Variants in LRP12 observed in about 807,000 individuals in gnomAD.
LRP12 encodes the protein LDL receptor related protein 12, also known as low-density lipoprotein receptor-related protein 12.
In LRP12, 14 loss-of-function variants were observed where a neutral mutation model predicts 66.0. The ratio of observed to expected loss-of-function variants is 0.21; its 90% CI spans 0.14 to 0.33. The LOEUF (loss-of-function observed/expected upper bound fraction) is 0.33, where lower values mean the gene tolerates loss of function less well. LRP12 is among the 10% of genes least tolerant of loss of function. The pLI is 1.00. For synonymous variants in LRP12, 357 were observed against 359.1 expected, an observed-to-expected ratio of 0.99 and a Z score of 0.07; for missense variants, 889 against 1,053.4, an observed-to-expected ratio of 0.84 and a Z score of 2.16.
intron 1 of LRP12, among the ~76,000 whole-genome samples, chr8:104,588,079 C>T (rs1455887588): frequency 2.0e-5 from 3 of 152,318 alleles, no homozygotes; most frequent in Non-Finnish European, 4.4e-5. Context: ...ATCTCTAACC[C>T]GATCCATCGA....
intron 2 of LRP12, among the ~76,000 whole-genome samples, chr8:104,514,688 A>G (rs2140848005): frequency 6.6e-6 from 1 of 152,278 alleles, no homozygotes; most frequent in African/African-American, 2.4e-5. Context: ...AAAAAATGAC[A>G]GAAAAAACAA....
intron 1 of LRP12, among the ~76,000 whole-genome samples, chr8:104,548,610 T>TTC (rs1488653658): frequency 0.016 from 1,723 of 109,524 alleles, 29 homozygotes; most frequent in Middle Eastern, 0.026. Flanking sequence ...AATTATATAA[T>TTC]TAAATTAATT....
rs73295191 is a variant in LRP12 at position 104,572,169 on chromosome 8, G to A, written c.79+16650C>T. The stretch of plus-strand genomic sequence containing the variant: ...AGTCAGTCTCAAATGGTTATGTGTT[G>A]GACAATTCCATTTATATGACATTCT... On this transcript the variant is annotated intron_variant, in intron 1 of 6. Coordinates refer to ENST00000276654, the MANE Select transcript of LRP12 (RefSeq NM_013437.5). Among the ~76,000 whole-genome samples, 1,178 of 152,258 alleles carry A rather than the reference G, an allele frequency of 7.7e-3. 15 individuals carry two copies. Among genetic ancestry groups the A allele is most frequent in the African/African-American group, 0.027 (1,128 of 41,532 alleles).
At position 104,497,363 on chromosome 8, in the gene LRP12, C is replaced by A. The variant is rs1564129100; in HGVS notation, c.1189G>T (p.Gly397Trp). 1 of 1,613,914 alleles carries A rather than the reference C, an allele frequency of 6.2e-7. No individual in the cohort carries two copies. Among genetic ancestry groups the A allele is most frequent in the Admixed American group, 1.7e-5 (1 of 60,010 alleles). Residue 397 changes from glycine to tryptophan, a missense_variant, in exon 5 of 7, where the codon GGG becomes TGG. By Grantham distance (184) the Gly-to-Trp change is radical (BLOSUM62 -2). Transcript: ENST00000276654. The surrounding 1 kb of genome is among the most constrained non-coding windows in gnomAD (Gnocchi z 4.3). ...GCYTEQQRCD[G>W]YWHCPNGRDE... ...CTTCCATTTGGGCAATGCCAATACC[C>A]ATCACAACGCTGCTGCTCAGTATAA...
At chr8:104,509,808 A>T (rs1183522174) in intron 2 of LRP12, among the ~76,000 whole-genome samples, 1 of 152,222 alleles carries the variant, frequency 6.6e-6, no homozygotes, top group Non-Finnish European at 1.5e-5. Flanking sequence ...TTTTGCTGTG[A>T]TACCTCAAAC....
intron 1 of LRP12, among the ~76,000 whole-genome samples, chr8:104,556,186 AC>A (rs1811804813): frequency 6.6e-6 from 1 of 152,194 alleles, no homozygotes; most frequent in Non-Finnish European, 1.5e-5. Context: ...CATAACATTA[AC>A]TGCCTACATC....
chr8:104,562,415 T>C (rs530639101), intron 1 of LRP12, among the ~76,000 whole-genome samples: 1 of 152,218 alleles, frequency 6.6e-6, no homozygotes, highest in East Asian at 1.9e-4. Context: ...AACAATTTAA[T>C]GTTCAAAATT....
At chr8:104,518,605 C>CA (rs1391216643) in intron 2 of LRP12, among the ~76,000 whole-genome samples, 2 of 151,994 alleles carry the variant, frequency 1.3e-5, no homozygotes, top group Admixed American at 6.6e-5. Context: ...TATAATAACA[C>CA]AGAGAAAATA....
chr8:104,577,852 A>G (rs1394508948), intron 1 of LRP12, among the ~76,000 whole-genome samples: 1 of 151,830 alleles, frequency 6.6e-6, no homozygotes, highest in Non-Finnish European at 1.5e-5. Flanking sequence ...TTGGAAACCA[A>G]TGGAACAAAG....
At chr8:104,555,774 GAAAC>G (rs1564144211) in intron 1 of LRP12, among the ~76,000 whole-genome samples, 1 of 151,962 alleles carries the variant, frequency 6.6e-6, no homozygotes, top group Non-Finnish European at 1.5e-5. Flanking sequence ...AGTCAACAAA[GAAAC>G]AATGGACTTC....
At position 104,490,785 on chromosome 8, in the gene LRP12, T is replaced by C; in HGVS notation, c.2468A>G (p.Asp823Gly). The change falls in exon 7 of 7, where the codon GAT (aspartate) becomes GGT (glycine). Residue 823 changes from aspartate (D) to glycine (G), a missense_variant. Transcript: ENST00000276654. The part of the protein sequence containing the change: ...TNPGVRPSNR[D>G]GPCERCGIVH... Reference sequence around the variant, plus strand: ...AATACCACAGCGCTCACAGGGGCCATCTCGATTACTTGGCCTTACTCCAGG... The same window carrying C: ...AATACCACAGCGCTCACAGGGGCCACCTCGATTACTTGGCCTTACTCCAGG... 6.2e-7 allele frequency: 1 copy of C among 1,614,130 alleles called. No individual in the cohort carries two copies. Among genetic ancestry groups the C allele is most frequent in the Non-Finnish European group, 8.5e-7 (1 of 1,180,012 alleles).
At chr8:104,522,399 C>A (rs1811165404) in intron 2 of LRP12, among the ~76,000 whole-genome samples, 1 of 152,002 alleles carries the variant, frequency 6.6e-6, no homozygotes, top group East Asian at 1.9e-4. Context: ...ACAGCATAAA[C>A]AATACTTCAA....
intron 1 of LRP12, among the ~76,000 whole-genome samples, chr8:104,580,201 G>C (rs969662121): frequency 4.6e-5 from 7 of 151,924 alleles, no homozygotes; most frequent in African/African-American, 1.7e-4. Flanking sequence ...TTCATAATTT[G>C]CAAAATATCC....
chr8:104,547,721 G>A (rs1291610592), intron 1 of LRP12, among the ~76,000 whole-genome samples: 1 of 120,980 alleles, frequency 8.3e-6, no homozygotes, highest in Non-Finnish European at 1.6e-5. Flanking sequence ...TCTATATTAT[G>A]TTATATTTTG....
chr8:104,509,276 T>C (rs2099828746), intron 2 of LRP12, among the ~76,000 whole-genome samples: 1 of 152,230 alleles, frequency 6.6e-6, no homozygotes, highest in Non-Finnish European at 1.5e-5. Context: ...CTTATTCCAA[T>C]AAAATACAGT....
chr8:104,548,197 T>G (rs866527860), intron 1 of LRP12, among the ~76,000 whole-genome samples: 1 of 85,164 alleles, frequency 1.2e-5, no homozygotes, highest in Admixed American at 1.8e-4. Context: ...TATATATAAA[T>G]ATATGATATA....
At chr8:104,576,405 C>T (rs1466199688) in intron 1 of LRP12, among the ~76,000 whole-genome samples, 1 of 149,532 alleles carries the variant, frequency 6.7e-6, no homozygotes, top group Non-Finnish European at 1.5e-5. Flanking sequence ...GTCCATCAGA[C>T]TAACAGCACA....
rs1564142231 is a variant in LRP12, at chr8:104,548,345, A to ATAT, written c.80-16383_80-16382insATA. Among the ~76,000 whole-genome samples, 12 of 12,068 alleles carry ATAT rather than the reference A, an allele frequency of 9.9e-4. 1 individual carries two copies. Among genetic ancestry groups the ATAT allele is most frequent in the East Asian group, 6.1e-3 (5 of 818 alleles). The allele number at this position is 12,068 out of a possible 152,430, so 7.9% of individuals were successfully genotyped here. On this transcript the variant is annotated intron_variant, in intron 1 of 6. Coordinates refer to ENST00000276654, the MANE Select transcript of LRP12 (RefSeq NM_013437.5). ...TATAATATATATTATATAAATATAT[A>ATAT]AATATATAATATATATTATATAAAT...
At chr8:104,564,617 A>C (rs2140889561) in intron 1 of LRP12, among the ~76,000 whole-genome samples, 1 of 152,110 alleles carries the variant, frequency 6.6e-6, no homozygotes, top group South Asian at 2.1e-4. Flanking sequence ...TAAAAAAACA[A>C]AACTATCATT....
Sources: allele counts gnomAD v4.1 joint callset (sites outside exome capture counted in the v4.1 genomes callset), GRCh38; gene constraint gnomAD v4.1.1; non-coding constraint Gnocchi (gnomAD v3.1); transcripts MANE v1.5; gene names NCBI Gene and HGNC (gene_info 2026-07-23, HGNC 2026-07-21).